The following ENPP6 variants were observed in gnomAD, a reference collection of about 807,000 sequenced individuals.
ENPP6 encodes ectonucleotide pyrophosphatase/phosphodiesterase 6.
ENPP6 carries 32 observed loss-of-function variants against 42.0 expected under a neutral mutation model. The ratio of observed to expected loss-of-function variants is 0.76; its 90% CI spans 0.58 to 1.02. ENPP6 has a LOEUF of 1.02. Among genes scored for constraint, ENPP6 ranks in the 50% least tolerant of loss-of-function variants. ENPP6 has a pLI of 0.00. For missense variants in ENPP6, 552 were observed against 566.8 expected, an observed-to-expected ratio of 0.97 and a Z score of 0.27; for synonymous variants, 213 against 216.0, an observed-to-expected ratio of 0.99 and a Z score of 0.12.
At chr4:184,201,451 G>T (rs1288086529) in intron 1 of ENPP6, among the ~76,000 whole-genome samples, 1 of 151,022 alleles carries the variant, frequency 6.6e-6, no homozygotes, top group Non-Finnish European at 1.5e-5. Context: ...TGTGTAGACC[G>T]CAGTGGCTCC....
At chr4:184,132,796 T>C (rs1431746831) in intron 2 of ENPP6, among the ~76,000 whole-genome samples, 2 of 146,734 alleles carry the variant, frequency 1.4e-5, no homozygotes, top group African/African-American at 2.5e-5. Context: ...TATACACACA[T>C]ATATATACAT....
intron 1 of ENPP6, among the ~76,000 whole-genome samples, chr4:184,209,175 G>C (rs911352219): frequency 1.3e-5 from 2 of 151,642 alleles, no homozygotes; most frequent in Non-Finnish European, 2.9e-5. Context: ...AAAAAGCAGA[G>C]CGCCTCTCCT....
chr4:184,146,646 A>C (rs1736930803), intron 2 of ENPP6, among the ~76,000 whole-genome samples: 1 of 152,088 alleles, frequency 6.6e-6, no homozygotes, highest in Admixed American at 6.5e-5. Flanking sequence ...CACGATGCCC[A>C]CTCTGTCTTG....
At chr4:184,185,966 T>G (rs184713033) in intron 1 of ENPP6, among the ~76,000 whole-genome samples, 8 of 152,306 alleles carry the variant, frequency 5.3e-5, no homozygotes, top group Non-Finnish European at 1.5e-5. Flanking sequence ...GTAGAGAATA[T>G]CTTACCCTTA....
intron 1 of ENPP6, among the ~76,000 whole-genome samples, chr4:184,196,031 C>G (rs978220208): frequency 3.9e-5 from 6 of 152,190 alleles, no homozygotes; most frequent in Non-Finnish European, 5.9e-5. Flanking sequence ...CTTGAGTGGC[C>G]TCCCTTGGCC....
chr4:184,196,263 A>T (rs527722764), intron 1 of ENPP6, among the ~76,000 whole-genome samples: 3 of 152,220 alleles, frequency 2.0e-5, no homozygotes, highest in Non-Finnish European at 4.4e-5. Context: ...CTCAGAAATG[A>T]GCTGTGCTTC....
intron 1 of ENPP6, among the ~76,000 whole-genome samples, chr4:184,162,584 G>GAAGGAAGT (rs1477735148): frequency 0.012 from 1,836 of 151,774 alleles, 48 homozygotes; most frequent in African/African-American, 0.042. Context: ...AGAAAGGAAG[G>GAAGGAAGT]AAGAGAGGGA....
At chr4:184,099,398 AGTCTCCCTGCT>A (rs753915242) in intron 6 of ENPP6, among the ~76,000 whole-genome samples, 23 of 152,216 alleles carry the variant, frequency 1.5e-4, no homozygotes, top group Admixed American at 6.5e-5. Context: ...TCTGAGCTGC[AGTCTCCCTGCT>A]GGTCCTGGCC....
intron 2 of ENPP6, among the ~76,000 whole-genome samples, chr4:184,143,565 G>A (rs1317607572): frequency 6.6e-6 from 1 of 152,208 alleles, no homozygotes; most frequent in African/African-American, 2.4e-5. Context: ...CCTTCTCCAT[G>A]GACCTCGTGG....
At chr4:184,173,704 G>A (rs1468500652) in intron 1 of ENPP6, among the ~76,000 whole-genome samples, 1 of 152,146 alleles carries the variant, frequency 6.6e-6, no homozygotes, top group African/African-American at 2.4e-5. Context: ...AAGTTGAAAG[G>A]GTCTTAGAGA....
chr4:184,183,517 A>G (rs1329636190), intron 1 of ENPP6, among the ~76,000 whole-genome samples: 5 of 148,618 alleles, frequency 3.4e-5, no homozygotes, highest in East Asian at 3.8e-4. Context: ...ACACACACAC[A>G]CATTCACACA....
At chr4:184,195,177 T>A (rs113619421) in intron 1 of ENPP6, among the ~76,000 whole-genome samples, 2,445 of 152,310 alleles carry the variant, frequency 0.016, 71 homozygotes, top group African/African-American at 0.054. Flanking sequence ...GTTTGTTACC[T>A]AAGCAAACTT....
intron 6 of ENPP6, among the ~76,000 whole-genome samples, chr4:184,104,612 C>A (rs1015518347): frequency 6.6e-6 from 1 of 152,230 alleles, no homozygotes; most frequent in African/African-American, 2.4e-5. Flanking sequence ...CTTTCAACAC[C>A]TCTTCCCTGT....
chr4:184,096,453 C>T (rs1735902906), intron 7 of ENPP6, among the ~76,000 whole-genome samples: 3 of 152,130 alleles, frequency 2.0e-5, no homozygotes. Context: ...GCTCATGAAC[C>T]AGTCAACTGA....
Position 184,097,276 on chromosome 4 carries a change from G to A in ENPP6, c.1086C>T (p.Asp362=), listed in dbSNP as rs540670326. 1.2e-6 allele frequency: 2 copies of A among 1,614,208 alleles called. No individual in the cohort carries two copies. The highest frequency in any genetic ancestry group is 2.2e-5 in the South Asian group (2 of 91,082). Residue 362 remains aspartate, a synonymous_variant, in exon 7 of 8, where the codon GAC becomes GAT. Transcript: ENST00000296741. ...CGAAGGCCAGGAAGATGCCCCGCAT[G>A]TCCATGAGCTCGTTGTCGTAGCCGT... The part of the protein sequence containing the change: ...GWHGYDNELM[D]MRGIFLAFGP...
intron 1 of ENPP6, among the ~76,000 whole-genome samples, chr4:184,194,009 A>C (rs773784603): frequency 6.6e-6 from 1 of 152,084 alleles, no homozygotes; most frequent in East Asian, 1.9e-4. Context: ...CTCTGTTGCC[A>C]CGGTCCCTGA....
intron 2 of ENPP6, among the ~76,000 whole-genome samples, chr4:184,129,291 T>TACACACACACACACACAC (rs60982411): frequency 4.1e-5 from 6 of 145,398 alleles, no homozygotes; most frequent in African/African-American, 1.5e-4. Context: ...CCCCCCAACA[T>TACACACACACACACACAC]ACACACACAC....
chr4:184,186,809 G>A lies in ENPP6; in HGVS notation c.241+30770C>T, dbSNP rs541670311. Among the ~76,000 whole-genome samples, 15 of 152,220 alleles carry A rather than the reference G, an allele frequency of 9.9e-5. No individual in the cohort carries two copies. The South Asian group carries it at 1.0e-3, about 11-fold the overall frequency. On this transcript the variant is annotated intron_variant, in intron 1 of 7. Transcript: ENST00000296741. ...GTCTCCTACAGGCCTCTCTGCTTCCGCCCTCAGCCTCACTGGCCATTGCTC... is the reference window on the plus strand; with the variant it reads ...GTCTCCTACAGGCCTCTCTGCTTCCACCCTCAGCCTCACTGGCCATTGCTC...
intron 2 of ENPP6, among the ~76,000 whole-genome samples, chr4:184,130,426 T>C (rs7665872): frequency 0.51 from 41,747 of 81,104 alleles, 11,623 homozygotes; most frequent in Middle Eastern, 0.58. Context: ...GGCGTGGTGG[T>C]GGGCACCTGT....
Sources: allele counts gnomAD v4.1 joint callset (sites outside exome capture counted in the v4.1 genomes callset), GRCh38; gene constraint gnomAD v4.1.1; transcripts MANE v1.5; gene names NCBI Gene and HGNC (gene_info 2026-07-23, HGNC 2026-07-21).